The following NDUFA12 variants were observed in gnomAD, a reference collection of about 807,000 sequenced individuals.
NDUFA12 encodes NADH dehydrogenase [ubiquinone] 1 alpha subcomplex subunit 12.
In NDUFA12, 17 loss-of-function variants were observed where a neutral mutation model predicts 20.3. The ratio of observed to expected loss-of-function variants is 0.84; its 90% CI spans 0.57 to 1.26. The LOEUF (loss-of-function observed/expected upper bound fraction) is 1.26. NDUFA12 is among the 50% of genes most tolerant of loss of function. The pLI is 0.00. For synonymous variants in NDUFA12, 72 were observed against 63.6 expected (o/e 1.13, Z -0.63); for missense variants, 191 against 183.7 (o/e 1.04, Z -0.23).
chr12:94,986,030 A>G (rs140466332), intron 3 of NDUFA12, among the ~76,000 whole-genome samples: 18,856 of 151,786 alleles, frequency 0.12, 1,923 homozygotes, highest in African/African-American at 0.28. Context: ...GGTTGCGGTG[A>G]GCTGGGATCA....
intron 2 of NDUFA12, among the ~76,000 whole-genome samples, chr12:95,000,647 G>A (rs975666672): frequency 6.6e-6 from 1 of 152,130 alleles, no homozygotes; most frequent in Non-Finnish European, 1.5e-5. Flanking sequence ...AAGTTAACCA[G>A]GTCACAAAGT....
At chr12:94,996,996 A>C (rs1299286943) in intron 2 of NDUFA12, 1 of 382,962 alleles carries the variant, frequency 2.6e-6, no homozygotes, top group South Asian at 2.1e-5. Flanking sequence ...AATAGTTTTT[A>C]GACAATCTCT....
At chr12:95,000,198 C>T (rs935462463) in intron 2 of NDUFA12, among the ~76,000 whole-genome samples, 1 of 152,082 alleles carries the variant, frequency 6.6e-6, no homozygotes, top group African/African-American at 2.4e-5. Context: ...AGCTGGAGGC[C>T]ATTATTCTAA....
intron 2 of NDUFA12, among the ~76,000 whole-genome samples, chr12:94,997,651 G>A (rs1874881848): frequency 6.6e-6 from 1 of 152,084 alleles, no homozygotes; most frequent in South Asian, 2.1e-4. Context: ...TTTTTTGTGT[G>A]CTGTTATGAC....
chr12:94,986,596 AT>A (rs1021950815), intron 3 of NDUFA12, among the ~76,000 whole-genome samples: 2 of 150,282 alleles, frequency 1.3e-5, no homozygotes, highest in South Asian at 2.1e-4. Flanking sequence ...TAAAAATAAA[AT>A]TTTAGCCTGG....
At position 94,994,170 on chromosome 12, in the gene NDUFA12, C is replaced by T. The variant is rs947290795; in HGVS notation, c.257G>A (p.Trp86Ter). 1 of 1,613,390 alleles carries T rather than the reference C, an allele frequency of 6.2e-7. No homozygotes were observed. Among genetic ancestry groups the T allele is most frequent in the Non-Finnish European group, 8.5e-7 (1 of 1,179,388 alleles). Reference protein sequence around the residue: ...DVDGSMVPPEWHRWLHSMTDD... With the variant: ...DVDGSMVPPE ...CAAATAAAATGTTGTCTTAGCTTAC[C>T]ATTCAGGAGGCACCATGCTTCCATC... The change falls in exon 3 of 4, where the codon TGG (tryptophan) becomes TAG (stop). Residue 86 changes from tryptophan (W) to a stop codon, truncating the protein, a stop_gained and splice_region_variant. Transcript: ENST00000327772. LOFTEE classifies it high-confidence loss of function.
intron 2 of NDUFA12, 45 bp from the exon 3 acceptor site, chr12:94,994,302 A>T (rs1222247231): frequency 3.0e-5 from 41 of 1,380,780 alleles, no homozygotes; most frequent in Non-Finnish European, 3.7e-5. Flanking sequence ...TTTTTTTTTT[A>T]AAGCATAGAT....
chr12:94,972,108 T>C (rs943644445), intron 3 of NDUFA12, among the ~76,000 whole-genome samples: 6 of 152,040 alleles, frequency 3.9e-5, no homozygotes, highest in South Asian at 2.1e-4. Flanking sequence ...AGAAGATTTT[T>C]GTAGAGATAG....
Position 94,980,745 on chromosome 12 carries a change from G to A in NDUFA12, c.258-9125C>T, listed in dbSNP as rs377734586. On this transcript the variant is annotated intron_variant, in intron 3 of 3. Transcript: ENST00000327772. Reference sequence around the variant, plus strand: ...AAGACATGTTACTAAGAAATGAACAGAAAGTGCCACCAAGTGGGAAAACGG... The same window carrying A: ...AAGACATGTTACTAAGAAATGAACAAAAAGTGCCACCAAGTGGGAAAACGG... Among the ~76,000 whole-genome samples, 356 of 151,788 alleles carry A rather than the reference G, an allele frequency of 2.3e-3. 1 individual carries two copies. The highest frequency in any genetic ancestry group is 8.3e-3 in the African/African-American group (343 of 41,446).
At chr12:94,982,275 CTTTTTTT>C (rs201781364) in intron 3 of NDUFA12, among the ~76,000 whole-genome samples, 3 of 135,660 alleles carry the variant, frequency 2.2e-5, no homozygotes, top group Non-Finnish European at 4.8e-5. Context: ...TTTTTCTTTT[CTTTTTTT>C]TTTTTTTTTT....
At chr12:94,974,419 T>A (rs1369018815) in intron 3 of NDUFA12, among the ~76,000 whole-genome samples, 3 of 152,168 alleles carry the variant, frequency 2.0e-5, no homozygotes, top group Non-Finnish European at 4.4e-5. Flanking sequence ...GTACAACCAT[T>A]ATAGAGAACA....
chr12:94,992,475 A>G (rs1212347748), intron 3 of NDUFA12, among the ~76,000 whole-genome samples: 2 of 152,170 alleles, frequency 1.3e-5, no homozygotes, highest in Non-Finnish European at 2.9e-5. Flanking sequence ...AGACAGCCAC[A>G]CCATTACACA....
chr12:94,994,204 A>T lies in NDUFA12; in HGVS notation c.223T>A (p.Trp75Arg). The T allele has an allele frequency of 6.2e-7, 1 of 1,614,216 alleles. No homozygotes were observed. The highest frequency in any genetic ancestry group is 8.5e-7 in the Non-Finnish European group (1 of 1,179,998). Reference sequence around the variant, plus strand: ...GGCACCATGCTTCCATCCACATCCCAGAATGTGTTTTTGCCATTCATTTCA... The same window carrying T: ...GGCACCATGCTTCCATCCACATCCCTGAATGTGTTTTTGCCATTCATTTCA... Reference protein sequence around the residue: ...TTEMNGKNTFWDVDGSMVPPE... With the variant: ...TTEMNGKNTFRDVDGSMVPPE... Residue 75 changes from tryptophan (W) to arginine (R), a missense_variant, in exon 3 of 4, where the codon TGG becomes AGG. Coordinates refer to ENST00000327772, the MANE Select transcript of NDUFA12 (RefSeq NM_018838.5).
chr12:95,000,807 T>C (rs1316498283), intron 2 of NDUFA12, among the ~76,000 whole-genome samples: 1 of 152,248 alleles, frequency 6.6e-6, no homozygotes, highest in Non-Finnish European at 1.5e-5. Flanking sequence ...AATTTTTTTA[T>C]ATTACACACA....
At chr12:94,985,626 C>CAGAAAAAAA (rs1555200603) in intron 3 of NDUFA12, among the ~76,000 whole-genome samples, 23 of 43,570 alleles carry the variant, frequency 5.3e-4, no homozygotes, top group Non-Finnish European at 6.8e-4. Context: ...GACTCCATCT[C>CAGAAAAAAA]AAAAAAAAAA....
intron 3 of NDUFA12, among the ~76,000 whole-genome samples, chr12:94,977,737 A>G (rs1296514236): frequency 6.6e-6 from 1 of 152,226 alleles, no homozygotes; most frequent in African/African-American, 2.4e-5. Context: ...TCATTCAACA[A>G]AAATCTATTG....
chr12:94,994,099 G>T, intron 3 of NDUFA12, 71 bp downstream of exon 3: 1 of 1,355,424 alleles, frequency 7.4e-7, no homozygotes, highest in East Asian at 2.3e-5. Context: ...ACTCCAGCCT[G>T]GGTGACAGAG....
intron 3 of NDUFA12, among the ~76,000 whole-genome samples, chr12:94,986,627 A>G (rs892876824): frequency 1.5e-5 from 1 of 65,516 alleles, no homozygotes; most frequent in East Asian, 3.5e-4. Flanking sequence ...TGAGACCCCT[A>G]TCTCCTAAAA....
intron 3 of NDUFA12, among the ~76,000 whole-genome samples, chr12:94,976,048 G>A (rs1043958981): frequency 6.6e-6 from 1 of 151,998 alleles, no homozygotes; most frequent in Non-Finnish European, 1.5e-5. Context: ...AAGAGAGAGA[G>A]AGACAGAGAA....
Sources: gnomAD v4.1 joint callset for allele counts (sites outside exome capture counted in the v4.1 genomes callset) on GRCh38, gnomAD v4.1.1 for gene constraint, MANE v1.5 for transcripts, NCBI Gene and HGNC (gene_info 2026-07-23, HGNC 2026-07-21) for gene names.